The following CTNNBL1 variants were observed in gnomAD, a reference collection of about 807,000 sequenced individuals.
The protein encoded by CTNNBL1 is catenin beta like 1, also known as beta-catenin-like protein 1.
In CTNNBL1, 31 loss-of-function variants were observed where a neutral mutation model predicts 72.7. That is an observed-to-expected ratio of 0.43 (90% confidence interval 0.32 to 0.58). The LOEUF (loss-of-function observed/expected upper bound fraction) is 0.58, where lower values mean the gene tolerates loss of function less well. Ranked by LOEUF, CTNNBL1 falls within the 20% of genes least tolerant of loss-of-function variation. The probability of loss-of-function intolerance (pLI) is 0.08; values close to 1 mark genes in which losing one functional copy is unlikely to be tolerated. For missense variants in CTNNBL1, 534 were observed against 725.1 expected (o/e 0.74, Z 3.03); for synonymous variants, 240 against 267.3 (o/e 0.90, Z 1.00).
At chr20:37,727,188 A>G (rs144646258) in intron 1 of CTNNBL1, 380 of 188,724 alleles carry the variant, frequency 2.0e-3, no homozygotes, top group African/African-American at 8.3e-3. Flanking sequence ...ATGAAACCCA[A>G]AGCTTAGGTT....
At position 37,737,525 on chromosome 20, in the gene CTNNBL1, G is replaced by A. The variant is rs200788171; in HGVS notation, c.326+41G>A. The A allele has an allele frequency of 6.2e-4, 841 of 1,361,488 alleles. 2 individuals are homozygous for A. Among genetic ancestry groups the A allele is most frequent in the East Asian group, 1.1e-3 (46 of 42,136 alleles). The allele number at this position is 1,361,488 out of a possible 1,614,324, so 84.3% of individuals were successfully genotyped here. On this transcript the variant is annotated intron_variant, in intron 3 of 15. Transcript: ENST00000361383. ...ACTGATACCATGTCTCCTCTGTGGC[G>A]TTTCGTTGGCTAATTTTGTTTTGAT...
At chr20:37,856,991 A>G (rs767351912) in intron 13 of CTNNBL1, among the ~76,000 whole-genome samples, 1 of 152,222 alleles carries the variant, frequency 6.6e-6, no homozygotes, top group African/African-American at 2.4e-5. Context: ...AAGATGAATC[A>G]GACACGATTC....
At chr20:37,805,076 C>T (rs2071942280) in intron 11 of CTNNBL1, among the ~76,000 whole-genome samples, 1 of 152,276 alleles carries the variant, frequency 6.6e-6, no homozygotes, top group South Asian at 2.1e-4. Flanking sequence ...ACAAACCGGC[C>T]TTCGGCCATG....
At chr20:37,822,088 CTTA>C in intron 11 of CTNNBL1, among the ~76,000 whole-genome samples, 1 of 152,152 alleles carries the variant, frequency 6.6e-6, no homozygotes, top group South Asian at 2.1e-4. Context: ...TATTACTGTG[CTTA>C]TTAGTATCAT....
chr20:37,867,985 T>C (rs1331865771), intron 15 of CTNNBL1, among the ~76,000 whole-genome samples: 1 of 152,206 alleles, frequency 6.6e-6, no homozygotes, highest in East Asian at 1.9e-4. Context: ...GTTCTGGGCC[T>C]GGCTCCGTGG....
chr20:37,740,219 G>A (rs141213667), intron 3 of CTNNBL1, among the ~76,000 whole-genome samples: 5 of 152,098 alleles, frequency 3.3e-5, no homozygotes, highest in Admixed American at 3.3e-4. Flanking sequence ...TCGAAAAGCA[G>A]TTAGGAAACT....
At chr20:37,740,645 A>G (rs2073208019) in intron 3 of CTNNBL1, among the ~76,000 whole-genome samples, 2 of 152,176 alleles carry the variant, frequency 1.3e-5, no homozygotes, top group African/African-American at 4.8e-5. Flanking sequence ...GTACTCTTAA[A>G]TTATTGAATA....
At chr20:37,786,565 T>C (rs1469218722) in intron 10 of CTNNBL1, among the ~76,000 whole-genome samples, 1 of 152,190 alleles carries the variant, frequency 6.6e-6, no homozygotes, top group Non-Finnish European at 1.5e-5. Context: ...TATATATATA[T>C]GCATATATGT....
At chr20:37,769,126 T>TA (rs1356260674) in intron 7 of CTNNBL1, among the ~76,000 whole-genome samples, 17 of 152,196 alleles carry the variant, frequency 1.1e-4, no homozygotes, top group African/African-American at 4.1e-4. Context: ...AAAAACATAG[T>TA]AAATACAGAA....
At chr20:37,749,970 T>C (rs1389045542) in intron 4 of CTNNBL1, 2 of 152,242 alleles carry the variant, frequency 1.3e-5, no homozygotes, top group African/African-American at 4.8e-5. Context: ...TTAATCTTTT[T>C]TAACTCTTCA....
chr20:37,841,067 A>G (rs1391046258), intron 12 of CTNNBL1, among the ~76,000 whole-genome samples: 4 of 152,252 alleles, frequency 2.6e-5, no homozygotes, highest in South Asian at 2.1e-4. Flanking sequence ...AGTGACTACT[A>G]TGGATTGGAT....
chr20:37,730,837 A>G (rs2073122260), intron 1 of CTNNBL1, among the ~76,000 whole-genome samples: 2 of 152,168 alleles, frequency 1.3e-5, no homozygotes, highest in Non-Finnish European at 1.5e-5. Context: ...ACAAAAGGCA[A>G]CATGAGGTCC....
At position 37,772,630 on chromosome 20, in the gene CTNNBL1, A is replaced by T. The variant is rs139964791; in HGVS notation, c.750+4586A>T. ...CCCAAAGTGCTGGGATTACAGGTGT[A>T]AGCCACTGCGCCCGGCCCAGTCTGA... On this transcript the variant is annotated intron_variant, in intron 7 of 15. Coordinates refer to ENST00000361383, the MANE Select transcript of CTNNBL1 (RefSeq NM_030877.5). Among the ~76,000 whole-genome samples the T allele has an allele frequency of 8.8e-4, 134 of 152,266 alleles. 2 individuals are homozygous for T. The highest frequency in any genetic ancestry group is 2.5e-3 in the East Asian group (13 of 5,172).
chr20:37,714,947 A>G (rs1422785895), intron 1 of CTNNBL1, among the ~76,000 whole-genome samples: 1 of 152,184 alleles, frequency 6.6e-6, no homozygotes, highest in Non-Finnish European at 1.5e-5. Context: ...ACAAACCCAG[A>G]GATTTTGACT....
chr20:37,694,576 C>T (rs760107319), intron 1 of CTNNBL1, among the ~76,000 whole-genome samples: 1 of 152,190 alleles, frequency 6.6e-6, no homozygotes, highest in Non-Finnish European at 1.5e-5. Flanking sequence ...GTCATTCCCC[C>T]CCTCTTTGAA....
At chr20:37,739,078 C>CTGTGTG (rs34184566) in intron 3 of CTNNBL1, among the ~76,000 whole-genome samples, 71 of 147,454 alleles carry the variant, frequency 4.8e-4, no homozygotes, top group Middle Eastern at 7.1e-3. Context: ...TACAGGAGCA[C>CTGTGTG]TGTGTGTGTG....
At chr20:37,762,673 G>A (rs945909414) in intron 5 of CTNNBL1, among the ~76,000 whole-genome samples, 1 of 152,140 alleles carries the variant, frequency 6.6e-6, no homozygotes, top group Admixed American at 6.5e-5. Flanking sequence ...GGGTTAGAGG[G>A]AATAGAATAG....
At chr20:37,845,115 C>A (rs1228293226) in intron 13 of CTNNBL1, among the ~76,000 whole-genome samples, 1 of 152,172 alleles carries the variant, frequency 6.6e-6, no homozygotes, top group Non-Finnish European at 1.5e-5. Context: ...TTTTAGTAAG[C>A]CTTTTTAGTA....
At chr20:37,708,973 C>G (rs945093025) in intron 1 of CTNNBL1, among the ~76,000 whole-genome samples, 3 of 152,118 alleles carry the variant, frequency 2.0e-5, no homozygotes, top group African/African-American at 7.2e-5. Context: ...CCTGTCTCTA[C>G]TGAAAATACA....
Sources: gnomAD v4.1 joint callset for allele counts (sites outside exome capture counted in the v4.1 genomes callset) on GRCh38, gnomAD v4.1.1 for gene constraint, MANE v1.5 for transcripts, NCBI Gene and HGNC (gene_info 2026-07-23, HGNC 2026-07-21) for gene names.